USH2A: variants seen among roughly 807,000 people sequenced by gnomAD.
USH2A encodes the protein Usher syndrome 2A (autosomal recessive, mild).
Under a neutral mutation model 538.9 loss-of-function variants are expected in USH2A, and 443 were observed. The ratio of observed to expected loss-of-function variants is 0.82; its 90% CI spans 0.76 to 0.89. The LOEUF (loss-of-function observed/expected upper bound fraction) is 0.89. USH2A is among the 40% of genes least tolerant of loss of function. The pLI is 0.00. For missense variants in USH2A, 6,633 were observed against 6,324.8 expected (o/e 1.05, Z -1.65); for synonymous variants, 2,413 against 2,273.5 (o/e 1.06, Z -1.75).
intron 58 of USH2A, among the ~76,000 whole-genome samples, chr1:215,755,278 G>A (rs1660756258): frequency 6.6e-6 from 1 of 152,130 alleles, no homozygotes; most frequent in African/African-American, 2.4e-5. Flanking sequence ...GGAACTGCAG[G>A]CATGGACTGT....
intron 3 of USH2A, among the ~76,000 whole-genome samples, chr1:216,398,442 G>T (rs758903420): frequency 3.4e-4 from 52 of 152,090 alleles, no homozygotes; most frequent in Non-Finnish European, 2.8e-4. Context: ...TTCCTAGACA[G>T]AAGATCAGGA....
chr1:216,267,246 T>C (rs895028766), intron 11 of USH2A, among the ~76,000 whole-genome samples: 1 of 152,060 alleles, frequency 6.6e-6, no homozygotes, highest in Non-Finnish European at 1.5e-5. Flanking sequence ...GTATGTCAAA[T>C]ACAATGAAGA....
At chr1:215,950,435 A>T (rs1225840439) in intron 37 of USH2A, among the ~76,000 whole-genome samples, 2 of 152,130 alleles carry the variant, frequency 1.3e-5, no homozygotes, top group Non-Finnish European at 2.9e-5. Context: ...ATGCAAACAC[A>T]TGAATACACA....
chr1:215,718,288 G>T (rs894098084), intron 61 of USH2A, among the ~76,000 whole-genome samples: 1 of 152,146 alleles, frequency 6.6e-6, no homozygotes, highest in African/African-American at 2.4e-5. Flanking sequence ...CTTGTGTAAG[G>T]CAAAATCTTT....
At chr1:215,688,957 G>T (rs1291234670) in intron 61 of USH2A, among the ~76,000 whole-genome samples, 2 of 151,926 alleles carry the variant, frequency 1.3e-5, no homozygotes, top group African/African-American at 4.8e-5. Context: ...GGGTGGTAAT[G>T]GTAGACATAG....
At chr1:215,692,131 T>C (rs144149078) in intron 61 of USH2A, among the ~76,000 whole-genome samples, 1 of 152,320 alleles carries the variant, frequency 6.6e-6, no homozygotes, top group East Asian at 1.9e-4. Context: ...AAGGAAGCTG[T>C]GCATAGGAAG....
chr1:215,956,685 C>G (rs1667076588), intron 37 of USH2A, among the ~76,000 whole-genome samples: 1 of 152,174 alleles, frequency 6.6e-6, no homozygotes, highest in Non-Finnish European at 1.5e-5. Flanking sequence ...ACATCGCCGC[C>G]TCAACAGACA....
At chr1:215,796,772 C>T (rs1452556172) in intron 50 of USH2A, among the ~76,000 whole-genome samples, 1 of 152,176 alleles carries the variant, frequency 6.6e-6, no homozygotes, top group Non-Finnish European at 1.5e-5. Flanking sequence ...AAAGCCAAGA[C>T]AGGCCAAAAA....
intron 41 of USH2A, among the ~76,000 whole-genome samples, chr1:215,881,861 G>A (rs1244115247): frequency 2.6e-5 from 4 of 152,064 alleles, no homozygotes; most frequent in African/African-American, 4.8e-5. Flanking sequence ...AAAATAGGAC[G>A]GCTAAATTGC....
At chr1:215,835,184 A>T (rs1663441211) in intron 47 of USH2A, among the ~76,000 whole-genome samples, 2 of 150,920 alleles carry the variant, frequency 1.3e-5, no homozygotes, top group African/African-American at 4.9e-5. Flanking sequence ...AAAAAAAAAA[A>T]AAAAAGCTGA....
At position 215,948,199 on chromosome 1, in the gene USH2A, G is replaced by A. The variant is rs117925811; in HGVS notation, c.7121-13404C>T. On this transcript the variant is annotated intron_variant, in intron 37 of 71. Coordinates refer to ENST00000307340, the MANE Select transcript of USH2A (RefSeq NM_206933.4). ...TTTCTGAAATGCTTCCAATAGTTTT[G>A]CTATGAGATGAAACATGATATAAAG... Among the ~76,000 whole-genome samples, 168 of 151,988 alleles carry A rather than the reference G, an allele frequency of 1.1e-3. 2 individuals are homozygous for A. In the East Asian group the frequency reaches 0.031, roughly 28 times the overall value.
chr1:215,784,718 GA>G (rs1661744920), intron 52 of USH2A, among the ~76,000 whole-genome samples: 2 of 152,130 alleles, frequency 1.3e-5, no homozygotes, highest in Admixed American at 6.5e-5. Flanking sequence ...CTTGTGTGCT[GA>G]ACATCTTTCA....
chr1:215,650,659 C>T lies in USH2A; in HGVS notation c.14276G>A (p.Gly4759Glu), dbSNP rs112459877. The T allele has an allele frequency of 1.9e-4, 313 of 1,614,070 alleles. 1 individual carries two copies. The African/African-American group carries it at 3.9e-3, about 20-fold the overall frequency. Reference protein sequence around the residue: ...TQAVVNISAPGKPNGIVSLYR... With the variant: ...TQAVVNISAPEKPNGIVSLYR... ...GAGACTGACGATCCCGTTGGGCTTC[C>T]CAGGGGCACTGATGTTGACCACTGC... is the stretch of plus-strand genomic sequence containing the variant. Residue 4759 changes from glycine to glutamate, a missense_variant, in exon 65 of 72, where the codon GGG (glycine) becomes GAG (glutamate). Gly to Glu is a moderately conservative substitution (Grantham distance 98). Transcript: ENST00000307340.
chr1:216,086,631 C>T (rs1464884173), intron 24 of USH2A, 88 bp downstream of exon 24: 6 of 1,132,212 alleles, frequency 5.3e-6, no homozygotes, highest in Non-Finnish European at 7.8e-6. Context: ...TGAGGTAGAA[C>T]ATAATACTTA....
At chr1:215,804,373 G>T (rs1039117542) in intron 49 of USH2A, among the ~76,000 whole-genome samples, 1 of 152,048 alleles carries the variant, frequency 6.6e-6, no homozygotes, top group Non-Finnish European at 1.5e-5. Flanking sequence ...GAAAACTTTT[G>T]CAATCTACTC....
intron 3 of USH2A, among the ~76,000 whole-genome samples, chr1:216,404,086 T>C (rs1361283633): frequency 6.6e-6 from 1 of 152,148 alleles, no homozygotes; most frequent in Admixed American, 6.6e-5. Flanking sequence ...AGTATCTTTA[T>C]AGCAGGGTGA....
At chr1:215,966,988 C>T (rs1667362390) in intron 36 of USH2A, among the ~76,000 whole-genome samples, 1 of 152,034 alleles carries the variant, frequency 6.6e-6, no homozygotes, top group East Asian at 1.9e-4. Context: ...TTGCTCTGAC[C>T]TGGTCTTTCT....
At chr1:215,906,320 T>A (rs756542975) in intron 38 of USH2A, among the ~76,000 whole-genome samples, 19 of 152,002 alleles carry the variant, frequency 1.2e-4, no homozygotes, top group Admixed American at 2.0e-4. Context: ...TTTCTAATCC[T>A]CAGAATTACA....
chr1:215,630,188 C>T (rs779978218), intron 70 of USH2A: 41 of 490,076 alleles, frequency 8.4e-5, no homozygotes, highest in Admixed American at 3.8e-4. Flanking sequence ...CACAGAGGTA[C>T]CTCAAAGTGC....
Sources: gnomAD v4.1 joint callset for allele counts (sites outside exome capture counted in the v4.1 genomes callset) on GRCh38, gnomAD v4.1.1 for gene constraint, MANE v1.5 for transcripts, NCBI Gene and HGNC (gene_info 2026-07-23, HGNC 2026-07-21) for gene names.